The following XRN1 variants were observed in gnomAD, a reference collection of about 807,000 sequenced individuals.
XRN1 encodes the protein strand-exchange protein 1 homolog.
In XRN1, 67 loss-of-function variants were observed where a neutral mutation model predicts 222.3. The observed-to-expected ratio is 0.30, with a 90% confidence interval of 0.25 to 0.37. The LOEUF is 0.37. Among genes scored for constraint, XRN1 ranks in the 10% least tolerant of loss-of-function variants. The probability of loss-of-function intolerance (pLI) is 1.00; values close to 1 mark genes in which losing one functional copy is unlikely to be tolerated. For missense variants in XRN1, 1,707 were observed against 2,000.2 expected (o/e 0.85, Z 2.80); for synonymous variants, 643 against 652.4 (o/e 0.99, Z 0.22).
chr3:142,307,356 T>G lies in XRN1; in HGVS notation c.*4155A>C, dbSNP rs1577191023. ...CTGAAACAACCAAGTGCAGTTGGTGTACGGCTGGAGGGAAAAAAAAAAAGA... is the reference window on the plus strand; with the variant it reads ...CTGAAACAACCAAGTGCAGTTGGTGGACGGCTGGAGGGAAAAAAAAAAAGA... On this transcript the variant is annotated 3_prime_UTR_variant, in exon 41 of 41. Transcript: ENST00000392981. 6.6e-6 allele frequency: 1 copy of G among 152,014 alleles called. No homozygotes were observed. Among genetic ancestry groups the G allele is most frequent in the Admixed American group, 6.5e-5 (1 of 15,274 alleles). 9.4% of individuals were successfully genotyped at this position (152,014 alleles called of 1,614,324 possible). A position where few individuals can be genotyped will look rare whatever the true frequency, so the allele number is the denominator to read the frequency against.
chr3:142,334,635 A>C (rs867853382), intron 34 of XRN1, among the ~76,000 whole-genome samples: 1 of 151,406 alleles, frequency 6.6e-6, no homozygotes. Flanking sequence ...ATGTAAATAT[A>C]TATTTCTATG....
intron 6 of XRN1, among the ~76,000 whole-genome samples, chr3:142,423,351 A>G (rs2069115728): frequency 6.6e-6 from 1 of 152,198 alleles, no homozygotes; most frequent in Admixed American, 6.5e-5. Flanking sequence ...TCTAACCATA[A>G]AAGTTAAAAC....
rs371811239 is a variant in XRN1 at position 142,317,224 on chromosome 3, C to T, written c.4621+1368G>A. ...TGGTGGCTCTTTTAGAGATGCATAT[C>T]GTTTTGTTTTAGAAAAGTTTATTAT... is the stretch of plus-strand genomic sequence containing the variant. On this transcript the variant is annotated intron_variant, in intron 39 of 40. Transcript: ENST00000392981. Among the ~76,000 whole-genome samples the T allele has an allele frequency of 5.8e-4, 88 of 152,204 alleles. 1 individual carries two copies. In the East Asian group the frequency reaches 9.1e-3, roughly 16 times the overall value.
chr3:142,364,979 CA>C, intron 29 of XRN1, 67 bp downstream of exon 29: 1 of 1,479,148 alleles, frequency 6.8e-7, no homozygotes, highest in Non-Finnish European at 9.0e-7. Flanking sequence ...ATATAAAAAA[CA>C]GACAAGCCTG....
intron 33 of XRN1, among the ~76,000 whole-genome samples, chr3:142,344,575 T>C (rs545310666): frequency 2.0e-5 from 3 of 151,796 alleles, no homozygotes; most frequent in African/African-American, 7.3e-5. Flanking sequence ...GTTAAGGCAA[T>C]ATACAAAAAT....
intron 22 of XRN1, among the ~76,000 whole-genome samples, chr3:142,381,188 T>G (rs1396300051): frequency 6.6e-6 from 1 of 152,154 alleles, no homozygotes; most frequent in African/African-American, 2.4e-5. Context: ...TTAACTTTTG[T>G]GTACTATGTG....
At chr3:142,429,217 A>C (rs12695761) in intron 2 of XRN1, among the ~76,000 whole-genome samples, 2 of 146,336 alleles carry the variant, frequency 1.4e-5, no homozygotes, top group Non-Finnish European at 3.0e-5. Flanking sequence ...GTGTGATCTC[A>C]GCTCACTGCA....
At chr3:142,402,881 A>C (rs1455577016) in intron 18 of XRN1, among the ~76,000 whole-genome samples, 1 of 152,170 alleles carries the variant, frequency 6.6e-6, no homozygotes, top group Non-Finnish European at 1.5e-5. Context: ...TATTTGACCA[A>C]ATAATGAAAC....
chr3:142,372,153 A>G (rs1182670255), intron 25 of XRN1, among the ~76,000 whole-genome samples: 2 of 152,206 alleles, frequency 1.3e-5, no homozygotes, highest in Non-Finnish European at 2.9e-5. Flanking sequence ...ACCCCAGCAT[A>G]TGACCTGTAG....
intron 11 of XRN1, 94 bp downstream of exon 11, chr3:142,418,721 A>G: frequency 6.7e-7 from 1 of 1,494,912 alleles, no homozygotes; most frequent in Non-Finnish European, 9.2e-7. Flanking sequence ...TATCACAGAA[A>G]TCTGTTCCAC....
chr3:142,334,422 C>G (rs2107927891), intron 34 of XRN1, among the ~76,000 whole-genome samples: 1 of 151,684 alleles, frequency 6.6e-6, no homozygotes, highest in East Asian at 1.9e-4. Context: ...CAGAAAAGTA[C>G]ACATCTAATA....
At chr3:142,386,548 TAC>T (rs1186183782) in intron 20 of XRN1, among the ~76,000 whole-genome samples, 3 of 152,020 alleles carry the variant, frequency 2.0e-5, no homozygotes, top group African/African-American at 7.2e-5. Flanking sequence ...AAAAACAAGC[TAC>T]AGTGATAATT....
intron 29 of XRN1, among the ~76,000 whole-genome samples, chr3:142,361,775 T>A (rs548719060): frequency 4.6e-5 from 7 of 152,282 alleles, no homozygotes; most frequent in African/African-American, 1.4e-4. Flanking sequence ...TTGATCATTT[T>A]AAAAATTGGG....
intron 37 of XRN1, among the ~76,000 whole-genome samples, chr3:142,323,969 A>G (rs940272198): frequency 1.3e-5 from 2 of 152,128 alleles, no homozygotes; most frequent in African/African-American, 4.8e-5. Context: ...TAATGATCAA[A>G]TCACAGTAAC....
chr3:142,383,273 GTA>G, intron 22 of XRN1, 25 bp downstream of exon 22: 1 of 1,540,850 alleles, frequency 6.5e-7, no homozygotes, highest in Non-Finnish European at 8.9e-7. Context: ...AGAGAAAAAT[GTA>G]TCAGTAACAA....
rs757352999 is a variant in XRN1, at chr3:142,370,600, A to G, written c.3089T>C (p.Ile1030Thr). 6.3e-7 allele frequency: 1 copy of G among 1,584,774 alleles called. No individual in the cohort carries two copies. Among genetic ancestry groups the G allele is most frequent in the Non-Finnish European group, 8.5e-7 (1 of 1,170,992 alleles). The change falls in exon 27 of 41, where the codon ATT becomes ACT. Residue 1030 changes from isoleucine to threonine, a missense_variant. By Grantham distance (89) the Ile-to-Thr change is moderately conservative. This residue lies in a region of XRN1 where 1,234 missense variants were observed against 1,518.2 expected (regional missense o/e 0.81). Transcript: ENST00000392981. ...AGGATGTCCTTTTAGCCAAGTAATA[A>G]TTTCTTGAACTTTTTCAGCACTAAA... ...NENGAEKVQE[I>T]ITWLKGHPVS...
intron 32 of XRN1, among the ~76,000 whole-genome samples, chr3:142,352,045 A>G (rs1252947584): frequency 2.0e-5 from 3 of 152,162 alleles, no homozygotes; most frequent in Non-Finnish European, 4.4e-5. Flanking sequence ...TATTTTTACA[A>G]TGATATTATA....
chr3:142,351,245 G>C (rs370511577), intron 32 of XRN1, among the ~76,000 whole-genome samples: 13 of 152,230 alleles, frequency 8.5e-5, no homozygotes, highest in African/African-American at 3.1e-4. Context: ...TAAAGAGCCC[G>C]AGAGTTTAGG....
Position 142,404,929 on chromosome 3 carries a change from C to T in XRN1, c.1861G>A (p.Ala621Thr). ...TACCTTGTACAACATCGTTCTATGGCAGGGAACTTTTCTGGCCATGGAGAA... is the reference window on the plus strand; with the variant it reads ...TACCTTGTACAACATCGTTCTATGGTAGGGAACTTTTCTGGCCATGGAGAA... ...YPSPWPEKFP[A>T]IERCCTRYKI... Residue 621 changes from alanine to threonine, a missense_variant, in exon 16 of 41, where the codon GCC becomes ACC. Physicochemically the swap from Ala to Thr is moderately conservative, Grantham distance 58. Transcript: ENST00000392981. 1 of 1,613,952 alleles carries T rather than the reference C, an allele frequency of 6.2e-7. No homozygotes were observed. Among genetic ancestry groups the T allele is most frequent in the Non-Finnish European group, 8.5e-7 (1 of 1,179,902 alleles).
Sources: allele counts gnomAD v4.1 joint callset (sites outside exome capture counted in the v4.1 genomes callset), GRCh38; gene constraint gnomAD v4.1.1; regional missense constraint gnomAD v4.1.1; transcripts MANE v1.5; gene names NCBI Gene and HGNC (gene_info 2026-07-23, HGNC 2026-07-21).